The following LCA5L variants were observed in gnomAD, a reference collection of about 807,000 sequenced individuals.
The protein encoded by LCA5L is lebercilin LCA5 like.
LCA5L carries 35 observed loss-of-function variants against 45.4 expected under a neutral mutation model. That is an observed-to-expected ratio of 0.77 (90% CI 0.59 to 1.02). The LOEUF (loss-of-function observed/expected upper bound fraction) is 1.02, where lower values mean the gene tolerates loss of function less well. LCA5L is among the 50% of genes least tolerant of loss of function. The pLI is 0.00. For missense variants in LCA5L, 668 were observed against 761.6 expected (o/e 0.88, Z 1.45); for synonymous variants, 233 against 264.7 (o/e 0.88, Z 1.16).
At chr21:39,412,424 A>G (rs2040249970) in intron 7 of LCA5L, among the ~76,000 whole-genome samples, 1 of 152,256 alleles carries the variant, frequency 6.6e-6, no homozygotes, top group African/African-American at 2.4e-5. Flanking sequence ...TGAGGAACAA[A>G]GAAAGGGTTT....
intron 8 of LCA5L, chr21:39,411,225 C>T (rs981967901): frequency 2.1e-5 from 5 of 243,372 alleles, no homozygotes; most frequent in Non-Finnish European, 3.3e-5. Context: ...TAGGGGACTA[C>T]TGACTGCAGG....
intron 2 of LCA5L, chr21:39,443,793 G>A (rs1310775935): frequency 6.6e-6 from 1 of 152,464 alleles, no homozygotes; most frequent in Non-Finnish European, 1.5e-5. Flanking sequence ...CAGCACTTTG[G>A]AAGGCCGAGG....
At chr21:39,421,047 A>G (rs1356563173) in intron 6 of LCA5L, among the ~76,000 whole-genome samples, 1 of 151,884 alleles carries the variant, frequency 6.6e-6, no homozygotes, top group Non-Finnish European at 1.5e-5. Context: ...GAGAACAAAT[A>G]TCACACGTTT....
Position 39,423,066 on chromosome 21 carries a change from A to G in LCA5L, c.747T>C (p.Ser249=), listed in dbSNP as rs1360074699. Reference sequence around the variant, plus strand: ...CCCTTTCTGCAAGGTTTTTGTCTTCAGAAAGTTTCTGCAGTGCCTGCAAGA... The same window carrying G: ...CCCTTTCTGCAAGGTTTTTGTCTTCGGAAAGTTTCTGCAGTGCCTGCAAGA... ...KDILQALQKL[S]EDKNLAEREE... is the part of the protein sequence containing the mutation. Residue 249 remains serine (S), a synonymous_variant, in exon 6 of 11, where the codon TCT becomes TCC. Transcript: ENST00000288350. 37 of 1,614,058 alleles carry G rather than the reference A, an allele frequency of 2.3e-5. No homozygotes were observed. Among genetic ancestry groups the G allele is most frequent in the Non-Finnish European group, 2.9e-5 (34 of 1,180,016 alleles).
intron 7 of LCA5L, among the ~76,000 whole-genome samples, chr21:39,419,157 C>A (rs2041832015): frequency 1.3e-5 from 2 of 152,076 alleles, no homozygotes; most frequent in South Asian, 4.1e-4. Context: ...CTCCTCACCC[C>A]CCACTATTCT....
Position 39,444,141 on chromosome 21 carries a change from A to C in LCA5L, c.-252T>G, listed in dbSNP as rs1430919121. ...TCAGCACCCAGGTACTTACTATTCA[A>C]AATGATCAGCATACGGATGATCATT... is the stretch of plus-strand genomic sequence containing the variant. On this transcript the variant is annotated 5_prime_UTR_variant, in exon 2 of 11. Transcript: ENST00000288350. 1.3e-5 allele frequency: 2 copies of C among 152,130 alleles called. No homozygotes were observed. Among genetic ancestry groups the C allele is most frequent in the African/African-American group, 4.8e-5 (2 of 41,410 alleles). The allele number at this position is 152,130 out of a possible 1,614,324, so 9.4% of individuals were successfully genotyped here.
At chr21:39,439,737 T>G (rs992830140) in intron 2 of LCA5L, 3 of 152,164 alleles carry the variant, frequency 2.0e-5, no homozygotes, top group Non-Finnish European at 4.4e-5. Flanking sequence ...AGCAGGTGGC[T>G]TTCCTGCAGA....
rs986929586 is a variant in LCA5L, at chr21:39,418,206, C to G, written c.975+2500G>C. ...TGACATGTGGGAACTGTGGGAGCTA[C>G]AATTCAAGATGAGATTTGGGTGGGG... is the stretch of plus-strand genomic sequence containing the variant. On this transcript the variant is annotated intron_variant, in intron 7 of 10. Transcript: ENST00000288350. Among the ~76,000 whole-genome samples, 3 of 152,158 alleles carry G rather than the reference C, an allele frequency of 2.0e-5. No individual in the cohort carries two copies. The East Asian group carries it at 5.8e-4, about 29-fold the overall frequency.
chr21:39,437,584 C>T (rs986901515), intron 2 of LCA5L, among the ~76,000 whole-genome samples: 6 of 152,076 alleles, frequency 3.9e-5, no homozygotes, highest in African/African-American at 9.7e-5. Context: ...CTCAGTCTCC[C>T]GGGTAGCTGG....
intron 8 of LCA5L, chr21:39,410,941 A>G (rs1468199579): frequency 6.4e-6 from 3 of 470,974 alleles, no homozygotes; most frequent in East Asian, 1.4e-4. Context: ...AACAGAGGTG[A>G]GTATTCCTAT....
rs1244915579 is a variant in LCA5L at position 39,409,435 on chromosome 21, TA to T, written c.1282+543del. On this transcript the variant is annotated intron_variant, in intron 10 of 10. Coordinates refer to ENST00000288350, the MANE Select transcript of LCA5L (RefSeq NM_152505.4). This position sits in a 1 kb window ranked among gnomAD's most constrained non-coding sequence, Gnocchi z 4.2. ...AGGGAAAGCAAGGGAATGACTGGCC[TA>T]AAACCCAAGACGGTGGTGGTTTCTG... Among the ~76,000 whole-genome samples, 1 of 152,086 alleles carries T rather than the reference TA, an allele frequency of 6.6e-6. No homozygotes were observed.
In LCA5L at chr21:39,428,357, T is replaced by C. The variant is rs961492641; in HGVS notation, c.137A>G (p.Asn46Ser). The change falls in exon 5 of 11, where the codon AAT becomes AGT. Residue 46 changes from asparagine to serine, a missense_variant. Physicochemically the swap from Asn to Ser is conservative, Grantham distance 46. Coordinates refer to ENST00000288350, the MANE Select transcript of LCA5L (RefSeq NM_152505.4). The stretch of plus-strand genomic sequence containing the variant: ...AGATCTGCTATAATCAACACTCTTA[T>C]TGGAAGCATTACTGTTCCGTGAAAA... ...GDFSRNSNAS[N>S]KSVDYSRSQC... 5.6e-6 allele frequency: 9 copies of C among 1,613,520 alleles called. No homozygotes were observed. Among genetic ancestry groups the C allele is most frequent in the Admixed American group, 1.7e-5 (1 of 59,892 alleles).
intron 10 of LCA5L, among the ~76,000 whole-genome samples, chr21:39,406,954 C>T (rs1165603470): frequency 6.6e-6 from 1 of 152,198 alleles, no homozygotes; most frequent in Admixed American, 6.5e-5. Context: ...TGGCTGGGTG[C>T]AGTGGCTCAC....
chr21:39,431,108 T>C (rs541254447), intron 3 of LCA5L, among the ~76,000 whole-genome samples: 2 of 152,318 alleles, frequency 1.3e-5, no homozygotes, highest in South Asian at 2.1e-4. Flanking sequence ...AAAACAATTC[T>C]ACCAGATTAA....
chr21:39,419,487 C>T (rs771478460), intron 7 of LCA5L, among the ~76,000 whole-genome samples: 2 of 140,842 alleles, frequency 1.4e-5, no homozygotes, highest in Non-Finnish European at 3.0e-5. Flanking sequence ...ATGGTGCCAC[C>T]GCATTCTAGT....
chr21:39,416,485 A>C (rs1344616272), intron 7 of LCA5L, among the ~76,000 whole-genome samples: 1 of 152,076 alleles, frequency 6.6e-6, no homozygotes, highest in Non-Finnish European at 1.5e-5. Flanking sequence ...CCTGCACCAG[A>C]CCTAGAATTT....
intron 7 of LCA5L, among the ~76,000 whole-genome samples, chr21:39,413,292 C>T (rs928399063): frequency 1.3e-5 from 2 of 152,110 alleles, no homozygotes; most frequent in African/African-American, 4.8e-5. Context: ...TCCACTGAGA[C>T]AGAAGATAGG....
At chr21:39,412,055 T>C (rs2040177475) in intron 7 of LCA5L, among the ~76,000 whole-genome samples, 1 of 152,252 alleles carries the variant, frequency 6.6e-6, no homozygotes, top group African/African-American at 2.4e-5. Flanking sequence ...GTCCACTGTT[T>C]TCCTTCTGTC....
intron 5 of LCA5L, 64 bp downstream of exon 5, chr21:39,428,108 A>T: frequency 1.1e-6 from 1 of 871,632 alleles, no homozygotes; most frequent in Non-Finnish European, 1.8e-6. Flanking sequence ...TTCAAACACT[A>T]GTGCAGTAAA....
Sources: allele counts gnomAD v4.1 joint callset (sites outside exome capture counted in the v4.1 genomes callset), GRCh38; gene constraint gnomAD v4.1.1; non-coding constraint Gnocchi (gnomAD v3.1); transcripts MANE v1.5; gene names NCBI Gene and HGNC (gene_info 2026-07-23, HGNC 2026-07-21).